BBOX1: variants seen among roughly 807,000 people sequenced by gnomAD.
BBOX1 encodes gamma-butyrobetaine dioxygenase.
In BBOX1, 35 loss-of-function variants were observed where a neutral mutation model predicts 41.6. That is an observed-to-expected ratio of 0.84 (90% CI 0.64 to 1.11). BBOX1 has a LOEUF of 1.11. BBOX1 is among the 50% of genes most tolerant of loss of function. The pLI, the probability that BBOX1 is intolerant of heterozygous loss-of-function variation, is 0.00. For synonymous variants in BBOX1, 163 were observed against 154.7 expected (o/e 1.05, Z -0.40); for missense variants, 458 against 460.6 (o/e 0.99, Z 0.05).
At position 27,115,528 on chromosome 11, in the gene BBOX1, G is replaced by C. The variant is rs778115476; in HGVS notation, c.610G>C (p.Asp204His). Residue 204 changes from aspartate to histidine, a missense_variant, in exon 6 of 9, where the codon GAT becomes CAT. By Grantham distance (81) the Asp-to-His change is moderately conservative. Coordinates refer to ENST00000263182, the MANE Select transcript of BBOX1 (RefSeq NM_003986.3). ...AACTGGGAAGCTAAGCTTTCACACTGATTATCCAGCCCTCCATCATCCACC... is the reference window on the plus strand; with the variant it reads ...AACTGGGAAGCTAAGCTTTCACACTCATTATCCAGCCCTCCATCATCCACC... ...YTTGKLSFHT[D>H]YPALHHPPGV... 4.3e-6 allele frequency: 7 copies of C among 1,610,808 alleles called. No homozygotes were observed. The highest frequency in any genetic ancestry group is 5.9e-6 in the Non-Finnish European group (7 of 1,178,040).
At chr11:27,074,602 T>A (rs920027160) in intron 4 of BBOX1, among the ~76,000 whole-genome samples, 3 of 152,182 alleles carry the variant, frequency 2.0e-5, no homozygotes, top group African/African-American at 2.4e-5. Flanking sequence ...TGTGTAACTT[T>A]GAAATTGAGA....
chr11:27,053,799 T>G (rs945555125), intron 2 of BBOX1, among the ~76,000 whole-genome samples: 2 of 152,192 alleles, frequency 1.3e-5, no homozygotes, highest in Non-Finnish European at 2.9e-5. Context: ...TTTTGATTAT[T>G]TTTAAGTAAT....
intron 5 of BBOX1, among the ~76,000 whole-genome samples, chr11:27,099,796 T>C (rs748467446): frequency 6.6e-6 from 1 of 152,152 alleles, no homozygotes; most frequent in African/African-American, 2.4e-5. Flanking sequence ...AGGGGTGTTT[T>C]AATACCTGCT....
intron 4 of BBOX1, among the ~76,000 whole-genome samples, chr11:27,077,829 C>T (rs373242889): frequency 4.1e-4 from 63 of 152,092 alleles, no homozygotes; most frequent in African/African-American, 1.5e-3. Flanking sequence ...TCTCTCTTGC[C>T]AACAGCTTAG....
chr11:27,075,391 G>A (rs1276855250), intron 4 of BBOX1, among the ~76,000 whole-genome samples: 5 of 152,090 alleles, frequency 3.3e-5, no homozygotes, highest in Non-Finnish European at 7.4e-5. Context: ...GCACATTTTT[G>A]TTTATTTTTC....
intron 5 of BBOX1, among the ~76,000 whole-genome samples, chr11:27,096,525 T>C (rs1341805274): frequency 6.6e-6 from 1 of 151,992 alleles, no homozygotes; most frequent in Non-Finnish European, 1.5e-5. Context: ...AAAACAATAA[T>C]AGCTTGCTGA....
intron 5 of BBOX1, among the ~76,000 whole-genome samples, chr11:27,099,703 C>T (rs1858574415): frequency 3.3e-5 from 5 of 152,002 alleles, no homozygotes; most frequent in Admixed American, 3.3e-4. Context: ...TGTTTGTAAG[C>T]GAGAAGTCGA....
chr11:27,085,888 C>T (rs1858022315), intron 4 of BBOX1, among the ~76,000 whole-genome samples: 1 of 152,038 alleles, frequency 6.6e-6, no homozygotes, highest in African/African-American at 2.4e-5. Flanking sequence ...GCAAAACAGC[C>T]TTACTGCTGA....
intron 5 of BBOX1, among the ~76,000 whole-genome samples, chr11:27,110,868 A>G (rs753930397): frequency 6.6e-6 from 1 of 152,006 alleles, no homozygotes; most frequent in Non-Finnish European, 1.5e-5. Flanking sequence ...ATTAATAGAC[A>G]TTATAACAGC....
intron 4 of BBOX1, among the ~76,000 whole-genome samples, chr11:27,065,805 A>C (rs186884811): frequency 1.6e-4 from 24 of 146,686 alleles, no homozygotes; most frequent in African/African-American, 6.0e-4. Context: ...TAAATGCTTG[A>C]GTAAGAGGTA....
At chr11:27,054,235 G>GTGTGTGTGTGCA (rs71047892) in intron 2 of BBOX1, among the ~76,000 whole-genome samples, 1 of 103,314 alleles carries the variant, frequency 9.7e-6, no homozygotes, top group Non-Finnish European at 2.4e-5. Flanking sequence ...GTGTGTGTGT[G>GTGTGTGTGTGCA]CGTGCACATG....
At chr11:27,052,401 T>C (rs971991636) in intron 2 of BBOX1, among the ~76,000 whole-genome samples, 42 of 152,052 alleles carry the variant, frequency 2.8e-4, no homozygotes, top group African/African-American at 1.0e-3. Flanking sequence ...ATCACCTTCA[T>C]TGTCAAATCT....
At chr11:27,084,053 A>C (rs1590198480) in intron 4 of BBOX1, among the ~76,000 whole-genome samples, 1 of 152,098 alleles carries the variant, frequency 6.6e-6, no homozygotes, top group East Asian at 1.9e-4. Flanking sequence ...CTGAGACAGC[A>C]TGCTTGGCCA....
rs113614082 is a variant in BBOX1 at position 27,069,853 on chromosome 11, C to T, written c.334+12538C>T. ...TTAGTGGGGGTTACCTAAAGGGATG[C>T]TGAATTTTATCAAATGCTTTTTCTG... On this transcript the variant is annotated intron_variant, in intron 4 of 8. Transcript: ENST00000263182. Among the ~76,000 whole-genome samples the T allele has an allele frequency of 2.2e-3, 327 of 152,088 alleles. 2 individuals carry two copies. The highest frequency in any genetic ancestry group is 7.1e-3 in the African/African-American group (294 of 41,516).
In BBOX1 at chr11:27,125,689, T is replaced by G. The variant is rs1221455016; in HGVS notation, c.872T>G (p.Phe291Cys). The G allele has an allele frequency of 4.4e-6, 7 of 1,598,930 alleles. No individual in the cohort carries two copies. Among genetic ancestry groups the G allele is most frequent in the Non-Finnish European group, 6.0e-6 (7 of 1,171,932 alleles). Residue 291 changes from phenylalanine (F) to cysteine (C), a missense_variant, in exon 8 of 9, where the codon TTC becomes TGC. Physicochemically the swap from Phe to Cys is radical, Grantham distance 205 (BLOSUM62 -2). Coordinates refer to ENST00000263182, the MANE Select transcript of BBOX1 (RefSeq NM_003986.3). Reference protein sequence around the residue: ...DDKGQVVRINFNNATRDTIFD... With the variant: ...DDKGQVVRINCNNATRDTIFD... ...AAAGGCCAAGTGGTTCGCATCAACT[T>G]CAATAACGCAACTAGGGACACAATA... is the stretch of plus-strand genomic sequence containing the variant.
At chr11:27,117,679 G>A (rs1385571330) in intron 6 of BBOX1, among the ~76,000 whole-genome samples, 1 of 151,856 alleles carries the variant, frequency 6.6e-6, no homozygotes, top group Non-Finnish European at 1.5e-5. Flanking sequence ...TTGTTTCTGG[G>A]TTAAAATTTG....
At chr11:27,074,831 C>T (rs1857582285) in intron 4 of BBOX1, among the ~76,000 whole-genome samples, 1 of 152,326 alleles carries the variant, frequency 6.6e-6, no homozygotes, top group Admixed American at 6.5e-5. Flanking sequence ...CTCCATATCT[C>T]CCATTCAGGC....
chr11:27,058,590 G>T (rs1857054198), intron 4 of BBOX1, among the ~76,000 whole-genome samples: 1 of 152,208 alleles, frequency 6.6e-6, no homozygotes, highest in Non-Finnish European at 1.5e-5. Context: ...TGAATGCCTG[G>T]CTGATGAGTT....
intron 4 of BBOX1, chr11:27,066,671 GAAAAAAAAAA>G (rs79136837): frequency 8.0e-6 from 1 of 124,228 alleles, no homozygotes; most frequent in African/African-American, 3.2e-5. Context: ...CCCTTCAGGG[GAAAAAAAAAA>G]AAAAAAAGAA....
Sources: allele counts gnomAD v4.1 joint callset (sites outside exome capture counted in the v4.1 genomes callset), GRCh38; gene constraint gnomAD v4.1.1; transcripts MANE v1.5; gene names NCBI Gene and HGNC (gene_info 2026-07-23, HGNC 2026-07-21).